MAML2: variants seen among roughly 807,000 people sequenced by gnomAD.
The protein encoded by MAML2 is mastermind like transcriptional coactivator 2.
A neutral mutation model predicts 96.1 loss-of-function variants in MAML2; 22 were observed. The observed-to-expected ratio is 0.23, with a 90% CI of 0.16 to 0.33. The LOEUF is 0.33. MAML2 is among the 10% of genes least tolerant of loss of function. The probability of loss-of-function intolerance (pLI) is 1.00; values close to 1 mark genes in which losing one functional copy is unlikely to be tolerated. For synonymous variants in MAML2, 561 were observed against 521.3 expected (o/e 1.08, Z -1.04); for missense variants, 1,367 against 1,392.4 (o/e 0.98, Z 0.29).
intron 1 of MAML2, among the ~76,000 whole-genome samples, chr11:96,158,365 C>T (rs1861046079): frequency 6.6e-6 from 1 of 152,140 alleles, no homozygotes; most frequent in Admixed American, 6.5e-5. Context: ...ATAGGCTCTG[C>T]AAGCAATATG....
chr11:96,117,564 T>G (rs910050109), intron 1 of MAML2, among the ~76,000 whole-genome samples: 1 of 152,106 alleles, frequency 6.6e-6, no homozygotes, highest in Non-Finnish European at 1.5e-5. Flanking sequence ...CCTCCCAAAG[T>G]GCTGGGATTA....
intron 1 of MAML2, among the ~76,000 whole-genome samples, chr11:96,336,321 A>G (rs1483683047): frequency 6.6e-6 from 1 of 152,152 alleles, no homozygotes; most frequent in Non-Finnish European, 1.5e-5. Flanking sequence ...GACTCAGTAA[A>G]TATTTGTTCC....
intron 4 of MAML2, among the ~76,000 whole-genome samples, chr11:95,984,833 A>G (rs759488058): frequency 5.9e-5 from 9 of 152,156 alleles, no homozygotes; most frequent in Non-Finnish European, 1.3e-4. Context: ...AAAAGTGCAG[A>G]GCATTTTAGA....
rs573218408 is a variant in MAML2, at chr11:96,293,700, A to G, written c.513+47683T>C. The stretch of plus-strand genomic sequence containing the variant: ...CCACGGAAACAGTATGCAGAACAAT[A>G]ATCATTTTGATACTATGCCATTTTC... On this transcript the variant is annotated intron_variant, in intron 1 of 4. Transcript: ENST00000524717. Among the ~76,000 whole-genome samples the G allele has an allele frequency of 2.0e-5, 3 of 152,292 alleles. No homozygotes were observed. The East Asian group carries it at 5.8e-4, about 29-fold the overall frequency.
At chr11:95,985,690 A>G in intron 3 of MAML2, 48 bp from the exon 4 acceptor site, 1 of 1,256,312 alleles carries the variant, frequency 8.0e-7, no homozygotes, top group Non-Finnish European at 1.1e-6. Context: ...TTCCCTTTTC[A>G]CTTGTGAAAA....
chr11:96,029,529 C>T (rs1411537115), intron 2 of MAML2, among the ~76,000 whole-genome samples: 1 of 152,014 alleles, frequency 6.6e-6, no homozygotes, highest in Non-Finnish European at 1.5e-5. Context: ...TTCCTGTGAA[C>T]AAAATTTTTA....
At chr11:96,248,917 T>TA (rs1286419495) in intron 1 of MAML2, among the ~76,000 whole-genome samples, 1 of 152,224 alleles carries the variant, frequency 6.6e-6, no homozygotes, top group Non-Finnish European at 1.5e-5. Context: ...AGCTGGTTGT[T>TA]AAACTGTTTG....
intron 1 of MAML2, among the ~76,000 whole-genome samples, chr11:96,240,563 A>C (rs917544722): frequency 1.2e-4 from 17 of 143,686 alleles, no homozygotes; most frequent in South Asian, 4.3e-4. Context: ...GTCTCAAAAA[A>C]AAAAAAAAAA....
chr11:95,983,868 T>A (rs1478923478), intron 4 of MAML2, among the ~76,000 whole-genome samples: 3 of 152,128 alleles, frequency 2.0e-5, no homozygotes, highest in Admixed American at 2.0e-4. Flanking sequence ...AAAATTAATG[T>A]AAAAGTTAAT....
Position 96,218,644 on chromosome 11 carries a change from T to A in MAML2, c.513+122739A>T, listed in dbSNP as rs1396344261. On this transcript the variant is annotated intron_variant, in intron 1 of 4. Coordinates refer to ENST00000524717, the MANE Select transcript of MAML2 (RefSeq NM_032427.4). ...ATAATACTGACACTTTTTCTTTTTGTTTTTTAGTTTATTTGAGGTCTTCAC... is the reference window on the plus strand; with the variant it reads ...ATAATACTGACACTTTTTCTTTTTGATTTTTAGTTTATTTGAGGTCTTCAC... 3.3e-5 allele frequency among the ~76,000 whole-genome samples: 5 copies of A among 152,320 alleles called. No homozygotes were observed. The East Asian group carries it at 9.6e-4, about 29-fold the overall frequency.
At position 96,307,228 on chromosome 11, in the gene MAML2, C is replaced by A. The variant is rs80260095; in HGVS notation, c.513+34155G>T. Among the ~76,000 whole-genome samples, 16 of 152,306 alleles carry A rather than the reference C, an allele frequency of 1.1e-4. No individual in the cohort carries two copies. The East Asian group carries it at 2.5e-3, about 24-fold the overall frequency. On this transcript the variant is annotated intron_variant, in intron 1 of 4. Transcript: ENST00000524717. ...CAGCAAAGGATATCATTGCAGCCAGCCTCTTAGAACTGTGCTCATTATCAT... is the reference window on the plus strand; with the variant it reads ...CAGCAAAGGATATCATTGCAGCCAGACTCTTAGAACTGTGCTCATTATCAT...
intron 1 of MAML2, among the ~76,000 whole-genome samples, chr11:96,282,191 G>A (rs1221391921): frequency 6.6e-6 from 1 of 151,440 alleles, no homozygotes; most frequent in Admixed American, 6.6e-5. Context: ...GGAGCTTTTA[G>A]TGAGCGGAGA....
intron 1 of MAML2, among the ~76,000 whole-genome samples, chr11:96,339,687 G>C (rs1329338631): frequency 6.6e-6 from 1 of 152,226 alleles, no homozygotes; most frequent in East Asian, 1.9e-4. Flanking sequence ...CTTGCAGACA[G>C]ATTATAAATT....
At chr11:96,212,772 T>C (rs73529224) in intron 1 of MAML2, among the ~76,000 whole-genome samples, 9,543 of 152,224 alleles carry the variant, frequency 0.063, 884 homozygotes, top group African/African-American at 0.21. Flanking sequence ...AAGTCAGCAA[T>C]GTGACCATTC....
At chr11:96,306,124 T>C (rs1345929064) in intron 1 of MAML2, among the ~76,000 whole-genome samples, 1 of 152,190 alleles carries the variant, frequency 6.6e-6, no homozygotes, top group Non-Finnish European at 1.5e-5. Context: ...AATAAACATA[T>C]ATTCTGAAAA....
At chr11:96,294,160 A>G (rs1461745672) in intron 1 of MAML2, among the ~76,000 whole-genome samples, 2 of 152,212 alleles carry the variant, frequency 1.3e-5, no homozygotes, top group Non-Finnish European at 2.9e-5. Flanking sequence ...CCCCTAAAAA[A>G]TAAGTACATC....
chr11:96,194,421 A>C (rs919905670), intron 1 of MAML2, among the ~76,000 whole-genome samples: 5 of 152,204 alleles, frequency 3.3e-5, no homozygotes, highest in Non-Finnish European at 5.9e-5. Context: ...AATTTTGTAG[A>C]GTGACTCTCT....
chr11:96,145,574 C>T (rs1049140680), intron 1 of MAML2, among the ~76,000 whole-genome samples: 9 of 152,154 alleles, frequency 5.9e-5, no homozygotes, highest in South Asian at 2.1e-4. Flanking sequence ...GGTGTTAAGA[C>T]GTGTGGGTTC....
intron 1 of MAML2, among the ~76,000 whole-genome samples, chr11:96,237,869 CTTTG>C (rs1862386093): frequency 6.6e-6 from 1 of 152,180 alleles, no homozygotes; most frequent in Non-Finnish European, 1.5e-5. Flanking sequence ...TTAACAAACA[CTTTG>C]TTTGAATGCA....
Sources: allele counts gnomAD v4.1 joint callset (sites outside exome capture counted in the v4.1 genomes callset), GRCh38; gene constraint gnomAD v4.1.1; transcripts MANE v1.5; gene names NCBI Gene and HGNC (gene_info 2026-07-23, HGNC 2026-07-21).